Variants in PABPN1L observed in about 807,000 individuals in gnomAD.
The protein encoded by PABPN1L is embryonic polyadenylate-binding protein 2.
In PABPN1L, 45 loss-of-function variants were observed where a neutral mutation model predicts 34.0. The ratio of observed to expected loss-of-function variants is 1.32; its 90% CI spans 1.04 to 1.70. PABPN1L has a LOEUF of 1.70. Ranked by LOEUF, PABPN1L falls within the 40% of genes most tolerant of loss-of-function variation. The pLI is 0.00. For missense variants in PABPN1L, 459 were observed against 367.8 expected, an observed-to-expected ratio of 1.25 and a Z score of -2.03; for synonymous variants, 182 against 152.1, an observed-to-expected ratio of 1.20 and a Z score of -1.45.
upstream of PABPN1L, among the ~76,000 whole-genome samples, chr16:88,867,240 T>C (rs950242755): frequency 2.0e-5 from 3 of 151,890 alleles, no homozygotes; most frequent in South Asian, 2.1e-4. Flanking sequence ...TTTTTCTTTT[T>C]TTTTTAGGCA....
At chr16:88,864,247 C>G in exon 6 of PABPN1L, 1 of 1,560,252 alleles carries the variant, frequency 6.4e-7, no homozygotes, top group Non-Finnish European at 8.7e-7. Flanking sequence ...CGGTTCTGCC[C>G]TTGTGGTCTG....
intron 3 of PABPN1L, among the ~76,000 whole-genome samples, 196 bp from the exon 4 acceptor site, chr16:88,865,324 G>A (rs868539549): frequency 6.6e-6 from 1 of 150,934 alleles, no homozygotes. Context: ...CTTCTGGAGA[G>A]CTGGAGCCTT....
At chr16:88,867,394 A>AT (rs540727550), upstream of PABPN1L, among the ~76,000 whole-genome samples, 58 of 151,538 alleles carry the variant, frequency 3.8e-4, no homozygotes, top group African/African-American at 1.3e-3. Context: ...TGCCCAGCTA[A>AT]TTTTTTTTGT....
upstream of PABPN1L, among the ~76,000 whole-genome samples, chr16:88,869,056 T>C (rs928961701): frequency 6.6e-6 from 1 of 152,154 alleles, no homozygotes; most frequent in African/African-American, 2.4e-5. Context: ...GGCACAGGCT[T>C]CTTCATCTTC....
chr16:88,865,838 G>A lies in PABPN1L; in HGVS notation c.359C>T (p.Ala120Val), dbSNP rs564394520. 1.8e-5 allele frequency: 29 copies of A among 1,609,454 alleles called. No homozygotes were observed. The South Asian group carries it at 2.0e-4, about 11-fold the overall frequency. ...CTCAGGGCTCAGCAGCTGCCCGGCC[G>A]CGGTGCCCTCCTCTTCCTCGGCCTG... is the stretch of plus-strand genomic sequence containing the variant. The change falls in exon 2 of 7, where the codon GCG becomes GTG. Residue 120 changes from alanine (A) to valine (V), a missense_variant. Transcript: ENST00000419291.
chr16:88,864,338 T>C lies in PABPN1L; in HGVS notation c.696A>G (p.Thr232=). 4 of 1,555,790 alleles carry C rather than the reference T, an allele frequency of 2.6e-6. No homozygotes were observed. In the South Asian group the frequency reaches 3.6e-5, roughly 14 times the overall value. The stretch of plus-strand genomic sequence containing the variant: ...GGTGTCCTCGAAGGCCCCCGCGGTC[T>C]GTGGAGCTGATCCCAGGGAAGTTGG... Residue 232 remains threonine (T), a synonymous_variant, in exon 6 of 7, where the codon ACA becomes ACG. Coordinates refer to ENST00000419291, the Ensembl canonical transcript of PABPN1L.
upstream of PABPN1L, among the ~76,000 whole-genome samples, chr16:88,867,825 C>T (rs981871180): frequency 1.3e-5 from 2 of 152,212 alleles, no homozygotes; most frequent in African/African-American, 2.4e-5. Flanking sequence ...TGCCGTCTCC[C>T]ACCCACTCTG....
At chr16:88,868,012 G>T (rs1968635389), upstream of PABPN1L, among the ~76,000 whole-genome samples, 1 of 152,200 alleles carries the variant, frequency 6.6e-6, no homozygotes. Context: ...GGGGAGGAGA[G>T]AGAGACAGGG....
In PABPN1L at chr16:88,865,577, C is replaced by T. The variant is rs773866701; in HGVS notation, c.445G>A (p.Val149Ile). 9.1e-5 allele frequency: 147 copies of T among 1,611,828 alleles called. No individual in the cohort carries two copies. The highest frequency in any genetic ancestry group is 1.1e-4 in the Non-Finnish European group (134 of 1,179,536). The change falls in exon 3 of 7, where the codon GTC (valine) becomes ATC (isoleucine). Residue 149 changes from valine to isoleucine, a missense_variant. By Grantham distance (29) the Val-to-Ile change is conservative. Transcript: ENST00000419291. ...CCACCACTCACGTTGCCCACGTAGACGGATCTGTGGTCAGCCTCCACCTTC... is the reference window on the plus strand; with the variant it reads ...CCACCACTCACGTTGCCCACGTAGATGGATCTGTGGTCAGCCTCCACCTTC...
chr16:88,863,871 C>G, intron 6 of PABPN1L, 76 bp from the exon 7 acceptor site: 2 of 1,423,172 alleles, frequency 1.4e-6, no homozygotes, highest in South Asian at 2.5e-5. Flanking sequence ...CGGGGGACAA[C>G]AGGATAAGGA....
chr16:88,866,466 C>A (rs1232320019), exon 1 of PABPN1L: 3 of 1,551,520 alleles, frequency 1.9e-6, no homozygotes. Flanking sequence ...TCTCCTCCTT[C>A]CCTTCCCCAC....
upstream of PABPN1L, among the ~76,000 whole-genome samples, chr16:88,869,782 G>A (rs1190693827): frequency 5.3e-5 from 8 of 152,350 alleles, no homozygotes; most frequent in Non-Finnish European, 1.5e-5. Context: ...GGAAAACCTT[G>A]TCATCCTCAC....
exon 4 of PABPN1L, chr16:88,865,031 T>C (rs1284259990): frequency 3.1e-6 from 5 of 1,599,634 alleles, no homozygotes; most frequent in Admixed American, 1.7e-5. Context: ...CCCCTTGGGG[T>C]GTCCAGAGAA....
At chr16:88,866,357 C>A (rs924276146) in exon 1 of PABPN1L, 10 of 1,549,534 alleles carry the variant, frequency 6.5e-6, no homozygotes, top group Non-Finnish European at 8.7e-6. Flanking sequence ...GTTACCTGGT[C>A]AGGCAATGGG....
exon 1 of PABPN1L, chr16:88,866,595 G>C: frequency 6.5e-7 from 1 of 1,548,314 alleles, no homozygotes; most frequent in East Asian, 2.4e-5. Flanking sequence ...AGCGGCTCGG[G>C]AAGGGCCACA....
chr16:88,865,757 CTG>C (rs775012835), intron 2 of PABPN1L, 47 bp downstream of exon 2: 3 of 1,572,024 alleles, frequency 1.9e-6, no homozygotes, highest in African/African-American at 1.3e-5. Context: ...TTAATGGAAA[CTG>C]TGGGACCCTT....
Position 88,864,945 on chromosome 16 carries a change from G to GGGGAGGGGCA in PABPN1L, c.567-15_567-6dup, listed in dbSNP as rs756428538. The GGGGAGGGGCA allele has an allele frequency of 1.3e-6, 2 of 1,592,374 alleles. No individual in the cohort carries two copies. The highest frequency in any genetic ancestry group is 1.7e-5 in the Admixed American group (1 of 58,370). ...GCAAACTCTATGTAGGCATAACTGA[G>GGGGAGGGGCA]GGGAGGGGCAGGGAGGGGAGGGGTG... is the stretch of plus-strand genomic sequence containing the variant. On this transcript the variant is annotated splice_polypyrimidine_tract_variant and splice_region_variant and intron_variant, in intron 4 of 6. Coordinates refer to ENST00000419291, the Ensembl canonical transcript of PABPN1L.
At chr16:88,866,878 G>T (rs1031855551), upstream of PABPN1L, among the ~76,000 whole-genome samples, 3 of 152,240 alleles carry the variant, frequency 2.0e-5, no homozygotes, top group Non-Finnish European at 4.4e-5. Context: ...TTCTGCTTCC[G>T]CCTGGCCACG....
upstream of PABPN1L, among the ~76,000 whole-genome samples, chr16:88,867,234 T>G (rs1446758933): frequency 2.7e-5 from 4 of 149,428 alleles, no homozygotes; most frequent in East Asian, 5.8e-4. Context: ...TTTTTTTTTT[T>G]CTTTTTTTTT....
Sources: allele counts gnomAD v4.1 joint callset (sites outside exome capture counted in the v4.1 genomes callset), GRCh38; gene constraint gnomAD v4.1.1; transcripts MANE v1.5; gene names NCBI Gene and HGNC (gene_info 2026-07-23, HGNC 2026-07-21).